SEC24A: variants seen among roughly 807,000 people sequenced by gnomAD.
SEC24A encodes the protein protein transport protein Sec24A.
SEC24A carries 93 observed loss-of-function variants against 129.4 expected under a neutral mutation model. The ratio of observed to expected loss-of-function variants is 0.72; its 90% CI spans 0.61 to 0.85. The LOEUF (loss-of-function observed/expected upper bound fraction) is 0.85, where lower values mean the gene tolerates loss of function less well. Ranked by LOEUF, SEC24A falls within the 40% of genes least tolerant of loss-of-function variation. The pLI is 0.00. For synonymous variants in SEC24A, 460 were observed against 467.3 expected (o/e 0.98, Z 0.20); for missense variants, 1,264 against 1,307.4 (o/e 0.97, Z 0.51).
At chr5:134,693,112 G>A (rs1473167645) in intron 12 of SEC24A, 14 of 1,535,682 alleles carry the variant, frequency 9.1e-6, no homozygotes, top group Non-Finnish European at 1.2e-5. Flanking sequence ...GAGGTGAACA[G>A]AATGTGTCTG....
In SEC24A at chr5:134,661,399, T is replaced by C. The variant is rs1184110818; in HGVS notation, c.378T>C (p.Phe126=). ...CTACACCAATGCCTTCTAGTAGCTT[T>C]CTTCCTGAAGCCAACCTGCCACCAC... is the stretch of plus-strand genomic sequence containing the variant. ...PATTPMPSSS[F]LPEANLPPPL... The change falls in exon 2 of 23, where the codon TTT becomes TTC. Residue 126 remains phenylalanine (F), a synonymous_variant. Transcript: ENST00000398844. 3 of 1,614,106 alleles carry C rather than the reference T, an allele frequency of 1.9e-6. No homozygotes were observed. Among genetic ancestry groups the C allele is most frequent in the Admixed American group, 1.7e-5 (1 of 59,994 alleles).
chr5:134,716,084 G>A (rs571109683), intron 19 of SEC24A, among the ~76,000 whole-genome samples: 30 of 152,212 alleles, frequency 2.0e-4, no homozygotes, highest in African/African-American at 6.7e-4. Context: ...CAGAATTAAA[G>A]TCACAAGAAT....
chr5:134,690,361 T>G (rs1751599309), intron 11 of SEC24A, among the ~76,000 whole-genome samples: 1 of 152,178 alleles, frequency 6.6e-6, no homozygotes, highest in Non-Finnish European at 1.5e-5. Context: ...TTGCCCATGT[T>G]GCAGTGCAAT....
At chr5:134,692,057 C>CTTTTTT (rs61531967) in intron 11 of SEC24A, among the ~76,000 whole-genome samples, 1 of 127,942 alleles carries the variant, frequency 7.8e-6, no homozygotes. Flanking sequence ...TTTTTCTTTC[C>CTTTTTT]TTTTTTTTTT....
Position 134,693,010 on chromosome 5 carries a change from C to T in SEC24A, c.1779+353C>T, listed in dbSNP as rs1457366766. 3.9e-6 allele frequency: 6 copies of T among 1,533,960 alleles called. No homozygotes were observed. In the African/African-American group the frequency reaches 5.5e-5, roughly 14 times the overall value. The stretch of plus-strand genomic sequence containing the variant: ...CATTAGGTAGGCTGCTTTCAGTGCC[C>T]TTTGCTTTTCTGATTCACAGAGTGT... On this transcript the variant is annotated intron_variant, in intron 12 of 22. Transcript: ENST00000398844.
At position 134,686,434 on chromosome 5, in the gene SEC24A, G is replaced by A. The variant is rs569972867; in HGVS notation, c.1492-356G>A. 3.3e-5 allele frequency among the ~76,000 whole-genome samples: 5 copies of A among 151,994 alleles called. No individual in the cohort carries two copies. In the South Asian group the frequency reaches 8.3e-4, roughly 25 times the overall value. On this transcript the variant is annotated intron_variant, in intron 9 of 22. Transcript: ENST00000398844. ...GTATTTTTAGTAGAGACGGGGTTTCGCCATGTTGGTCACGCTGGTCTCGAA... is the reference window on the plus strand; with the variant it reads ...GTATTTTTAGTAGAGACGGGGTTTCACCATGTTGGTCACGCTGGTCTCGAA...
intron 17 of SEC24A, among the ~76,000 whole-genome samples, chr5:134,708,000 A>G (rs569908666): frequency 1.6e-4 from 24 of 152,296 alleles, no homozygotes; most frequent in African/African-American, 5.8e-4. Flanking sequence ...ATAGTGGCAC[A>G]TGTCTGTAGT....
In SEC24A at chr5:134,715,060, G is replaced by A. The variant is rs761724502; in HGVS notation, c.2764G>A (p.Glu922Lys). ...GACTGGGACAAATGCACGTCTAGATGAACGCATTTTTGCTATGTGTCAAGT... is the reference window on the plus strand; with the variant it reads ...GACTGGGACAAATGCACGTCTAGATAAACGCATTTTTGCTATGTGTCAAGT... The part of the protein sequence containing the change: ...FQTGTNARLD[E>K]RIFAMCQVKN... Residue 922 changes from glutamate (E) to lysine (K), a missense_variant, in exon 19 of 23, where the codon GAA becomes AAA. Physicochemically the swap from Glu to Lys is moderately conservative, Grantham distance 56 (BLOSUM62 1). Transcript: ENST00000398844. 4.3e-6 allele frequency: 7 copies of A among 1,612,888 alleles called. No individual in the cohort carries two copies. The East Asian group carries it at 1.6e-4, about 36-fold the overall frequency.
At chr5:134,690,080 G>A (rs942714275) in intron 11 of SEC24A, among the ~76,000 whole-genome samples, 70 of 152,128 alleles carry the variant, frequency 4.6e-4, no homozygotes, top group African/African-American at 1.5e-3. Flanking sequence ...GCGCAATGGC[G>A]CCATCTCGGC....
At position 134,649,341 on chromosome 5, in the gene SEC24A, G is replaced by A. The variant is rs111752673; in HGVS notation, c.97+168G>A. On this transcript the variant is annotated intron_variant, in intron 1 of 22. Coordinates refer to ENST00000398844, the MANE Select transcript of SEC24A (RefSeq NM_021982.3). The stretch of plus-strand genomic sequence containing the variant: ...GGACCACGGCAGTTGTGCACCTGTA[G>A]CCCCAGGCTCGTCTCAGTCTTTCAC... 5.7e-3 allele frequency: 2,778 copies of A among 487,470 alleles called. 50 individuals are homozygous for A. Among genetic ancestry groups the A allele is most frequent in the African/African-American group, 0.047 (2,347 of 49,664 alleles). 30.2% of individuals were successfully genotyped at this position (487,470 alleles called of 1,614,324 possible).
At chr5:134,704,017 A>G in intron 16 of SEC24A, 85 bp downstream of exon 16, 1 of 788,086 alleles carries the variant, frequency 1.3e-6, no homozygotes, top group Non-Finnish European at 2.1e-6. Context: ...AAATACATGT[A>G]GCATATCTTA....
chr5:134,702,690 A>T (rs939552440), intron 15 of SEC24A, among the ~76,000 whole-genome samples: 1 of 152,164 alleles, frequency 6.6e-6, no homozygotes, highest in Non-Finnish European at 1.5e-5. Flanking sequence ...CATCACATTA[A>T]TTTAAACTTC....
intron 1 of SEC24A, among the ~76,000 whole-genome samples, chr5:134,658,929 G>T (rs1031921555): frequency 2.6e-5 from 4 of 152,016 alleles, no homozygotes; most frequent in Admixed American, 2.6e-4. Flanking sequence ...GAGTTCTTTT[G>T]GAAGGCTCTG....
intron 15 of SEC24A, among the ~76,000 whole-genome samples, chr5:134,703,262 A>C (rs1407046925): frequency 6.6e-6 from 1 of 151,746 alleles, no homozygotes; most frequent in African/African-American, 2.4e-5. Flanking sequence ...TTATCGTCCA[A>C]AAATGTTTTT....
chr5:134,662,256 G>A (rs1005999437), intron 2 of SEC24A, among the ~76,000 whole-genome samples: 2 of 151,966 alleles, frequency 1.3e-5, no homozygotes, highest in Non-Finnish European at 1.5e-5. Context: ...CCGGGTTCAC[G>A]CCATTCTCCT....
chr5:134,717,912 T>C (rs1242820355), intron 19 of SEC24A, among the ~76,000 whole-genome samples, 157 bp from the exon 20 acceptor site: 2 of 151,868 alleles, frequency 1.3e-5, no homozygotes, highest in East Asian at 3.8e-4. Context: ...CGAAACTCCG[T>C]CTCAAATAAA....
chr5:134,727,035 T>C lies in SEC24A; in HGVS notation c.*1941T>C, dbSNP rs1377457733. ...TATAACAGGTCATGAAAAACATAAC[T>C]TTAGTTAGGATTCACAATATTTGTT... On this transcript the variant is annotated 3_prime_UTR_variant, in exon 23 of 23. Coordinates refer to ENST00000398844, the MANE Select transcript of SEC24A (RefSeq NM_021982.3). The C allele has an allele frequency of 6.6e-6, 1 of 152,614 alleles. No homozygotes were observed. The highest frequency in any genetic ancestry group is 1.5e-5 in the Non-Finnish European group (1 of 68,016). 9.5% of individuals were successfully genotyped at this position (152,614 alleles called of 1,614,324 possible). A position where few individuals can be genotyped will look rare whatever the true frequency, so the allele number is the denominator to read the frequency against.
At chr5:134,703,031 T>C (rs1752048703) in intron 15 of SEC24A, among the ~76,000 whole-genome samples, 1 of 151,980 alleles carries the variant, frequency 6.6e-6, no homozygotes, top group African/African-American at 2.4e-5. Flanking sequence ...TCCGAAAGTG[T>C]TGGGATTACA....
At chr5:134,719,326 A>G in intron 20 of SEC24A, among the ~76,000 whole-genome samples, 1 of 150,710 alleles carries the variant, frequency 6.6e-6, no homozygotes, top group South Asian at 2.1e-4. Context: ...AGGCTTCAGT[A>G]AGCTGAGATC....
Sources: allele counts gnomAD v4.1 joint callset (sites outside exome capture counted in the v4.1 genomes callset), GRCh38; gene constraint gnomAD v4.1.1; transcripts MANE v1.5; gene names NCBI Gene and HGNC (gene_info 2026-07-23, HGNC 2026-07-21).